The following POU6F2 variants were observed in gnomAD, a reference collection of about 807,000 sequenced individuals.
POU6F2 encodes the protein POU domain, class 6, transcription factor 2.
POU6F2 carries 31 observed loss-of-function variants against 71.3 expected under a neutral mutation model. That is an observed-to-expected ratio of 0.43 (90% confidence interval 0.33 to 0.59). The LOEUF is 0.59. POU6F2 is among the 20% of genes least tolerant of loss of function. The pLI is 0.04. For synonymous variants in POU6F2, 347 were observed against 355.7 expected, an observed-to-expected ratio of 0.98 and a Z score of 0.27; for missense variants, 783 against 856.8, an observed-to-expected ratio of 0.91 and a Z score of 1.07.
intron 1 of POU6F2, among the ~76,000 whole-genome samples, chr7:39,005,439 T>G (rs541563103): frequency 6.7e-6 from 1 of 149,338 alleles, no homozygotes; most frequent in Admixed American, 6.8e-5. Flanking sequence ...GGCTTTTGTC[T>G]GGATGGATAT....
At chr7:38,992,803 TTAGCA>T (rs1788638789) in intron 1 of POU6F2, among the ~76,000 whole-genome samples, 1 of 152,210 alleles carries the variant, frequency 6.6e-6, no homozygotes, top group African/African-American at 2.4e-5. Context: ...ACTATTCACT[TTAGCA>T]ATGTTTTATG....
At chr7:39,040,542 A>G (rs2128711754) in intron 1 of POU6F2, among the ~76,000 whole-genome samples, 1 of 151,986 alleles carries the variant, frequency 6.6e-6, no homozygotes, top group South Asian at 2.1e-4. Flanking sequence ...TTGGTTTTGA[A>G]AAAACCCAAA....
intron 4 of POU6F2, among the ~76,000 whole-genome samples, chr7:39,328,734 G>T (rs1785573027): frequency 6.6e-6 from 1 of 152,182 alleles, no homozygotes; most frequent in South Asian, 2.1e-4. Context: ...TTGTCAGAAG[G>T]TTGCAAGATG....
chr7:39,406,751 G>T lies in POU6F2; in HGVS notation c.1113+11G>T, dbSNP rs747641599. ...AATGCACAAGGACAGGTGAGTGGGAGATGGGAACAAGAGTGCATTTTTATG... is the reference window on the plus strand; with the variant it reads ...AATGCACAAGGACAGGTGAGTGGGATATGGGAACAAGAGTGCATTTTTATG... On this transcript the variant is annotated intron_variant, in intron 6 of 9. Transcript: ENST00000518318. 1.4e-5 allele frequency: 23 copies of T among 1,612,794 alleles called. No homozygotes were observed. Among genetic ancestry groups the T allele is most frequent in the Non-Finnish European group, 1.9e-5 (22 of 1,179,886 alleles).
intron 8 of POU6F2, among the ~76,000 whole-genome samples, chr7:39,457,867 G>A (rs546677425): frequency 1.3e-5 from 2 of 152,184 alleles, no homozygotes; most frequent in East Asian, 1.9e-4. Flanking sequence ...CTCTCAGAGA[G>A]GCCAGACCCC....
chr7:39,192,247 C>T (rs150911782), intron 2 of POU6F2, among the ~76,000 whole-genome samples: 39 of 152,284 alleles, frequency 2.6e-4, no homozygotes, highest in African/African-American at 9.1e-4. Flanking sequence ...CCTCCTTTCA[C>T]CAATTTTGAG....
At chr7:39,361,340 A>G (rs773843169) in intron 5 of POU6F2, among the ~76,000 whole-genome samples, 14 of 152,362 alleles carry the variant, frequency 9.2e-5, no homozygotes, top group Admixed American at 4.6e-4. Flanking sequence ...ATAATTAAAG[A>G]TAAGTTTTCA....
chr7:39,121,930 A>G (rs781227422), intron 2 of POU6F2, among the ~76,000 whole-genome samples: 25 of 152,148 alleles, frequency 1.6e-4, no homozygotes, highest in Admixed American at 7.2e-4. Context: ...AACTCTTGAC[A>G]TCAAATGATC....
At chr7:39,417,224 C>G (rs1234329568) in intron 6 of POU6F2, among the ~76,000 whole-genome samples, 2 of 152,162 alleles carry the variant, frequency 1.3e-5, no homozygotes, top group Admixed American at 1.3e-4. Context: ...ATATCATTTA[C>G]CACACCATAT....
intron 4 of POU6F2, among the ~76,000 whole-genome samples, chr7:39,229,955 G>T (rs1794544589): frequency 6.6e-6 from 1 of 152,184 alleles, no homozygotes; most frequent in Admixed American, 6.5e-5. Flanking sequence ...ACTTGCCACA[G>T]GCACCCTGTC....
intron 4 of POU6F2, among the ~76,000 whole-genome samples, chr7:39,319,265 G>C (rs12701728): frequency 0.25 from 37,944 of 152,126 alleles, 4,970 homozygotes; most frequent in Admixed American, 0.31. Context: ...CCCACCTACA[G>C]TTTCAGCTCC....
chr7:39,270,084 T>A (rs1159493809), intron 4 of POU6F2, among the ~76,000 whole-genome samples: 1 of 152,052 alleles, frequency 6.6e-6, no homozygotes, highest in Non-Finnish European at 1.5e-5. Context: ...ATCTCGTTTA[T>A]TTCTCCCTGT....
chr7:39,374,763 T>C (rs1273769824), intron 5 of POU6F2, among the ~76,000 whole-genome samples: 1 of 152,158 alleles, frequency 6.6e-6, no homozygotes, highest in African/African-American at 2.4e-5. Flanking sequence ...ATGCACAAAA[T>C]TGATGTCGGA....
At chr7:39,038,308 T>G (rs1790109338) in intron 1 of POU6F2, among the ~76,000 whole-genome samples, 1 of 152,058 alleles carries the variant, frequency 6.6e-6, no homozygotes, top group African/African-American at 2.4e-5. Context: ...ATATTAAAAT[T>G]TGCATTTGTT....
chr7:39,194,567 AAAGTGGACCAATCAGCG>A (rs1793741398), intron 2 of POU6F2, among the ~76,000 whole-genome samples: 1 of 151,504 alleles, frequency 6.6e-6, no homozygotes, highest in African/African-American at 2.4e-5. Flanking sequence ...AGCGCTCTGT[AAAGTGGACCAATCAGCG>A]CTCTGTAAAA....
At chr7:39,453,447 A>T (rs1457263571) in intron 8 of POU6F2, among the ~76,000 whole-genome samples, 1 of 152,246 alleles carries the variant, frequency 6.6e-6, no homozygotes, top group South Asian at 2.1e-4. Context: ...GTCCTGAAAG[A>T]AAAAGAACCA....
intron 4 of POU6F2, among the ~76,000 whole-genome samples, chr7:39,212,658 T>A (rs1794163203): frequency 6.6e-6 from 1 of 152,176 alleles, no homozygotes; most frequent in Non-Finnish European, 1.5e-5. Flanking sequence ...AGCACACACC[T>A]GTGAAATAAG....
intron 4 of POU6F2, among the ~76,000 whole-genome samples, chr7:39,270,515 A>G (rs191568142): frequency 1.3e-5 from 2 of 152,234 alleles, no homozygotes; most frequent in African/African-American, 4.8e-5. Context: ...TATTATTGTT[A>G]TTGCTATTTT....
intron 4 of POU6F2, among the ~76,000 whole-genome samples, chr7:39,266,410 A>C (rs11981474): frequency 0.21 from 32,364 of 152,146 alleles, 3,923 homozygotes; most frequent in African/African-American, 0.34. Context: ...AAATCACAGA[A>C]GGGCAAAATG....
Sources: gnomAD v4.1 joint callset for allele counts (sites outside exome capture counted in the v4.1 genomes callset) on GRCh38, gnomAD v4.1.1 for gene constraint, MANE v1.5 for transcripts, NCBI Gene and HGNC (gene_info 2026-07-23, HGNC 2026-07-21) for gene names.